Variants in PLEKHS1 observed in about 807,000 individuals in gnomAD.
PLEKHS1 encodes pleckstrin homology domain-containing family S member 1.
A neutral mutation model predicts 51.0 loss-of-function variants in PLEKHS1; 55 were observed. That is an observed-to-expected ratio of 1.08 (90% CI 0.87 to 1.35). PLEKHS1 has a LOEUF of 1.35. Among genes scored for constraint, PLEKHS1 ranks in the 40% most tolerant of loss-of-function variants. The pLI is 0.00. For synonymous variants in PLEKHS1, 153 were observed against 144.8 expected, an observed-to-expected ratio of 1.06 and a Z score of -0.41; for missense variants, 398 against 423.0, an observed-to-expected ratio of 0.94 and a Z score of 0.52.
intron 2 of PLEKHS1, among the ~76,000 whole-genome samples, chr10:113,757,543 T>C (rs1217078306): frequency 6.6e-6 from 1 of 152,250 alleles, no homozygotes. Flanking sequence ...TATCTGAGCC[T>C]TCAGTGAGTC....
Position 113,755,285 on chromosome 10 carries a change from C to T in PLEKHS1, c.8C>T (p.Pro3Leu), listed in dbSNP as rs898426405. Residue 3 changes from proline to leucine, a missense_variant, in exon 2 of 12, where the codon CCC (proline) becomes CTC (leucine). By Grantham distance (98) the Pro-to-Leu change is moderately conservative. Coordinates refer to ENST00000361048, the Ensembl canonical transcript of PLEKHS1. ...GGAGGACACACAGCCATCATGGAAC[C>T]CAAACCTCAGAAGAGTCCAGGTACC... The T allele has an allele frequency of 1.9e-6, 3 of 1,607,954 alleles. No homozygotes were observed. In the African/African-American group the frequency reaches 4.0e-5, roughly 22 times the overall value.
chr10:113,771,275 G>A (rs1015332020), intron 7 of PLEKHS1: 1 of 152,214 alleles, frequency 6.6e-6, no homozygotes, highest in Non-Finnish European at 1.5e-5. Flanking sequence ...GCAGGAACAG[G>A]AAAGGTGCAA....
chr10:113,757,327 A>G (rs12571741), intron 2 of PLEKHS1, among the ~76,000 whole-genome samples: 48,239 of 152,074 alleles, frequency 0.32, 8,024 homozygotes, highest in South Asian at 0.47. Context: ...AACATATACA[A>G]GCACACCTCA....
At chr10:113,766,282 A>T in intron 2 of PLEKHS1, 129 bp from the exon 3 acceptor site, 1 of 621,294 alleles carries the variant, frequency 1.6e-6, no homozygotes, top group Non-Finnish European at 2.8e-6. Context: ...TTGGGTTATT[A>T]TAGGTGTCCT....
In PLEKHS1 at chr10:113,767,470, G is replaced by A. The variant is rs150864505; in HGVS notation, c.350G>A (p.Gly117Asp). Reference sequence around the variant, plus strand: ...ACTAACAGGGAATACTTCCTCATTGGCCACGACAGGTGAGAGAAGTAAGAT... The same window carrying A: ...ACTAACAGGGAATACTTCCTCATTGACCACGACAGGTGAGAGAAGTAAGAT... The change falls in exon 5 of 12, where the codon GGC becomes GAC. Residue 117 changes from glycine (G) to aspartate (D), a missense_variant. By Grantham distance (94) the Gly-to-Asp change is moderately conservative. Transcript: ENST00000361048. 6.7e-4 allele frequency: 1,078 copies of A among 1,608,414 alleles called. 9 individuals carry two copies. The African/African-American group carries it at 0.013, about 19-fold the overall frequency.
chr10:113,779,776 CT>C (rs143544923), intron 11 of PLEKHS1, among the ~76,000 whole-genome samples: 2,104 of 152,288 alleles, frequency 0.014, 44 homozygotes, highest in African/African-American at 0.049. Context: ...CCTTTCTAGA[CT>C]GTGGAGTCAT....
exon 12 of PLEKHS1, chr10:113,782,200 G>A (rs981186929): frequency 6.6e-6 from 1 of 152,114 alleles, no homozygotes; most frequent in Non-Finnish European, 1.5e-5. Context: ...AAAAAATCGA[G>A]CCCCGGAGCG....
intron 2 of PLEKHS1, among the ~76,000 whole-genome samples, chr10:113,760,783 T>C (rs1843887685): frequency 2.0e-5 from 3 of 152,218 alleles, no homozygotes; most frequent in Non-Finnish European, 4.4e-5. Context: ...TTCTTAATAA[T>C]ATCCTTTGAT....
chr10:113,769,907 G>A lies in PLEKHS1; in HGVS notation c.552+7G>A. Reference sequence around the variant, plus strand: ...AAATGGTCTCCAAGACAAGGTAATGGGGCTCACTTCTTTCTCAGGACACCA... The same window carrying A: ...AAATGGTCTCCAAGACAAGGTAATGAGGCTCACTTCTTTCTCAGGACACCA... On this transcript the variant is annotated splice_region_variant and intron_variant, in intron 7 of 11. Coordinates refer to ENST00000361048, the Ensembl canonical transcript of PLEKHS1. 1.3e-6 allele frequency: 2 copies of A among 1,594,032 alleles called. No homozygotes were observed. The highest frequency in any genetic ancestry group is 1.7e-6 in the Non-Finnish European group (2 of 1,161,884).
intron 2 of PLEKHS1, chr10:113,765,390 G>GGT (rs1844116381): frequency 3.8e-6 from 3 of 779,294 alleles, no homozygotes; most frequent in African/African-American, 3.4e-5. Flanking sequence ...TATGGCTGGA[G>GGT]GTAACAAGCA....
chr10:113,776,261 C>T (rs1018055401), intron 11 of PLEKHS1, among the ~76,000 whole-genome samples: 1 of 152,110 alleles, frequency 6.6e-6, no homozygotes, highest in African/African-American at 2.4e-5. Flanking sequence ...AGCACATCAG[C>T]TTCTAAGACT....
chr10:113,757,290 T>C (rs1345234967), intron 2 of PLEKHS1, among the ~76,000 whole-genome samples: 1 of 152,208 alleles, frequency 6.6e-6, no homozygotes, highest in Non-Finnish European at 1.5e-5. Flanking sequence ...ATCTAAAGTG[T>C]ACAATTTGAT....
At chr10:113,781,779 C>T (rs1342514555) in exon 12 of PLEKHS1, 1 of 112,138 alleles carries the variant, frequency 8.9e-6, no homozygotes, top group Admixed American at 8.4e-5. Context: ...CTCCTTCCCC[C>T]TTCCCCAACA....
At chr10:113,779,681 T>C (rs1046551090) in intron 11 of PLEKHS1, among the ~76,000 whole-genome samples, 1 of 152,158 alleles carries the variant, frequency 6.6e-6, no homozygotes, top group Non-Finnish European at 1.5e-5. Flanking sequence ...CAGGCATTAA[T>C]TCAGAAGCCA....
At chr10:113,768,925 C>A (rs757774737) in intron 6 of PLEKHS1, 35 bp downstream of exon 6, 5 of 1,497,892 alleles carry the variant, frequency 3.3e-6, no homozygotes, top group East Asian at 2.3e-5. Context: ...AACAGGGCAC[C>A]TGAACACAAC....
chr10:113,756,326 C>T (rs1418306815), intron 2 of PLEKHS1, among the ~76,000 whole-genome samples: 1 of 151,912 alleles, frequency 6.6e-6, no homozygotes, highest in Non-Finnish European at 1.5e-5. Flanking sequence ...ATTTGCTGGG[C>T]GTGGTGCGCC....
At chr10:113,760,107 C>T (rs182689071) in intron 2 of PLEKHS1, among the ~76,000 whole-genome samples, 1 of 152,276 alleles carries the variant, frequency 6.6e-6, no homozygotes, top group East Asian at 1.9e-4. Flanking sequence ...TATAATCATG[C>T]AGTATGAACA....
chr10:113,771,696 G>C (rs887967178), intron 7 of PLEKHS1, among the ~76,000 whole-genome samples: 1 of 106,528 alleles, frequency 9.4e-6, no homozygotes, highest in African/African-American at 3.5e-5. Context: ...AAAAAAAAAA[G>C]AATACCACCC....
intron 1 of PLEKHS1, among the ~76,000 whole-genome samples, chr10:113,752,818 C>T (rs1444655624): frequency 6.6e-6 from 1 of 152,140 alleles, no homozygotes; most frequent in African/African-American, 2.4e-5. Context: ...GAGATGTCCT[C>T]CAAAGCACAC....
Sources: allele counts gnomAD v4.1 joint callset (sites outside exome capture counted in the v4.1 genomes callset), GRCh38; gene constraint gnomAD v4.1.1; transcripts MANE v1.5; gene names NCBI Gene and HGNC (gene_info 2026-07-23, HGNC 2026-07-21).